OTUB2: variants seen among roughly 807,000 people sequenced by gnomAD.
OTUB2 encodes ubiquitin thioesterase OTUB2.
Under a neutral mutation model 25.1 loss-of-function variants are expected in OTUB2, and 21 were observed. The observed-to-expected ratio is 0.84, with a 90% CI of 0.59 to 1.21. The LOEUF (loss-of-function observed/expected upper bound fraction) is 1.21. OTUB2 is among the 50% of genes most tolerant of loss of function. The pLI is 0.00. For missense variants in OTUB2, 283 were observed against 298.0 expected, an observed-to-expected ratio of 0.95 and a Z score of 0.37; for synonymous variants, 122 against 122.8, an observed-to-expected ratio of 0.99 and a Z score of 0.04.
intron 1 of OTUB2, among the ~76,000 whole-genome samples, chr14:94,036,772 T>C (rs1054761613): frequency 1.3e-5 from 2 of 152,172 alleles, no homozygotes; most frequent in African/African-American, 4.8e-5. Context: ...CCTCCTGCCC[T>C]GTGCTCCCCG....
intron 1 of OTUB2, among the ~76,000 whole-genome samples, chr14:94,037,085 C>T (rs1011561809): frequency 2.0e-5 from 3 of 152,128 alleles, no homozygotes; most frequent in African/African-American, 7.2e-5. Flanking sequence ...CATGAAGGTT[C>T]GTTAAGTTTG....
In OTUB2 at chr14:94,043,965, CTG is replaced by C; in HGVS notation, c.219-4_219-3del. ...CCTGTAAACACTCAGTCTTCCCCCT[CTG>C]TAGGTTCAAAGAACGCGTACTGCAG... On this transcript the variant is annotated splice_region_variant and splice_polypyrimidine_tract_variant and intron_variant, in intron 3 of 5. Transcript: ENST00000203664. 1.2e-6 allele frequency: 2 copies of C among 1,613,770 alleles called. No homozygotes were observed. The highest frequency in any genetic ancestry group is 8.5e-7 in the Non-Finnish European group (1 of 1,179,612).
chr14:94,043,897 G>A, intron 3 of OTUB2, 74 bp from the exon 4 acceptor site: 1 of 1,386,958 alleles, frequency 7.2e-7, no homozygotes. Flanking sequence ...TGGGTTGAGA[G>A]GGGGACGCAC....
Position 94,046,561 on chromosome 14 carries a change from T to TA in OTUB2, c.*639_*640insA. On this transcript the variant is annotated 3_prime_UTR_variant, in exon 6 of 6. Transcript: ENST00000203664. ...GGGGCCTTTAGCCTTTAGTAGGAGC[T>TA]CAAATTGTTGGGGCCCCTCTACCTC... 1 of 152,986 alleles carries TA rather than the reference T, an allele frequency of 6.5e-6. No individual in the cohort carries two copies. Among genetic ancestry groups the TA allele is most frequent in the Admixed American group, 6.5e-5 (1 of 15,368 alleles). 9.5% of individuals were successfully genotyped at this position (152,986 alleles called of 1,614,324 possible). A position where few individuals can be genotyped will look rare whatever the true frequency, so the allele number is the denominator to read the frequency against.
intron 1 of OTUB2, among the ~76,000 whole-genome samples, chr14:94,034,154 C>T (rs1283140444): frequency 3.3e-5 from 5 of 152,208 alleles, no homozygotes; most frequent in East Asian, 1.9e-4. Context: ...GGAAGTGGAA[C>T]GGCAAATCAC....
intron 1 of OTUB2, among the ~76,000 whole-genome samples, chr14:94,034,194 A>G (rs958833127): frequency 1.2e-4 from 18 of 152,284 alleles, no homozygotes; most frequent in Middle Eastern, 3.4e-3. Flanking sequence ...GATGTATTTT[A>G]CCACCGTGTC....
rs150415060 is a variant in OTUB2 at position 94,048,079 on chromosome 14, T to G, written c.*2157T>G. ...TTCCCCCACGTTCTCTCTCAGATCT[T>G]TGTCTCGAAGGGAAAACATAGTGGA... On this transcript the variant is annotated 3_prime_UTR_variant, in exon 6 of 6. Coordinates refer to ENST00000203664, the MANE Select transcript of OTUB2 (RefSeq NM_023112.4). 6.6e-6 allele frequency: 1 copy of G among 152,198 alleles called. No individual in the cohort carries two copies. Among genetic ancestry groups the G allele is most frequent in the Non-Finnish European group, 1.5e-5 (1 of 68,042 alleles). 9.4% of individuals were successfully genotyped at this position (152,198 alleles called of 1,614,324 possible).
At chr14:94,027,674 G>A (rs1463126283) in intron 1 of OTUB2, among the ~76,000 whole-genome samples, 4 of 152,204 alleles carry the variant, frequency 2.6e-5, no homozygotes, top group Admixed American at 1.3e-4. Flanking sequence ...CAGGAAAATG[G>A]GTCACCACGG....
At chr14:94,036,467 G>A (rs1885055883) in intron 1 of OTUB2, among the ~76,000 whole-genome samples, 1 of 152,164 alleles carries the variant, frequency 6.6e-6, no homozygotes, top group African/African-American at 2.4e-5. Flanking sequence ...CAATCAAAGC[G>A]GCTCTGGGTG....
At chr14:94,037,608 T>C (rs1218986211) in intron 2 of OTUB2, 133 bp downstream of exon 2, 1 of 519,078 alleles carries the variant, frequency 1.9e-6, no homozygotes, top group East Asian at 3.4e-5. Flanking sequence ...CTAGGATATT[T>C]TGATGTTGGA....
In OTUB2 at chr14:94,026,486, C is replaced by A; in HGVS notation, c.-52C>A. On this transcript the variant is annotated 5_prime_UTR_variant, in exon 1 of 6. Coordinates refer to ENST00000203664, the MANE Select transcript of OTUB2 (RefSeq NM_023112.4). ...GCCCGCGCCTCCCGCGGCATTCCCG[C>A]ACCGGATCGCTCCTCGCTGGGGCGG... 1.5e-6 allele frequency: 2 copies of A among 1,327,412 alleles called. No individual in the cohort carries two copies. Among genetic ancestry groups the A allele is most frequent in the Non-Finnish European group, 1.9e-6 (2 of 1,033,044 alleles). 82.2% of individuals were successfully genotyped at this position (1,327,412 alleles called of 1,614,324 possible). A position where few individuals can be genotyped will look rare whatever the true frequency, so the allele number is the denominator to read the frequency against.
chr14:94,043,929 C>T (rs79811936), intron 3 of OTUB2, 42 bp from the exon 4 acceptor site: 50,172 of 1,553,564 alleles, frequency 0.032, 984 homozygotes, highest in Non-Finnish European at 0.039. Flanking sequence ...ACAGCACTCT[C>T]GCTGTGTTTC....
At position 94,043,470 on chromosome 14, in the gene OTUB2, G is replaced by A. The variant is rs557351843; in HGVS notation, c.219-501G>A. 6.6e-5 allele frequency among the ~76,000 whole-genome samples: 10 copies of A among 152,370 alleles called. No homozygotes were observed. The East Asian group carries it at 1.5e-3, about 24-fold the overall frequency. On this transcript the variant is annotated intron_variant, in intron 3 of 5. Transcript: ENST00000203664. The stretch of plus-strand genomic sequence containing the variant: ...AGGACAGGTCCCAGAAAGGGGCTGC[G>A]CCATGAGGGGGCCTGCAGTAGGTGC...
intron 1 of OTUB2, among the ~76,000 whole-genome samples, chr14:94,036,077 T>C (rs747115002): frequency 3.3e-5 from 5 of 152,292 alleles, no homozygotes; most frequent in Middle Eastern, 3.4e-3. Flanking sequence ...TGGAAAAAGC[T>C]AATCATCAAA....
chr14:94,030,108 T>C (rs1884932368), intron 1 of OTUB2, among the ~76,000 whole-genome samples: 1 of 151,982 alleles, frequency 6.6e-6, no homozygotes, highest in Non-Finnish European at 1.5e-5. Context: ...CTGGAGGGCA[T>C]GGGGGAAGGG....
In OTUB2 at chr14:94,026,524, C is replaced by T. The variant is rs1201268724; in HGVS notation, c.-14C>T. Reference sequence around the variant, plus strand: ...CTCGCTGGGGCGGGACCTGGCCTGGCGGCTCTGGTCACTATGGTCAGTGAT... The same window carrying T: ...CTCGCTGGGGCGGGACCTGGCCTGGTGGCTCTGGTCACTATGGTCAGTGAT... On this transcript the variant is annotated 5_prime_UTR_variant, in exon 1 of 6. Transcript: ENST00000203664. The T allele has an allele frequency of 2.9e-6, 3 of 1,025,982 alleles. No individual in the cohort carries two copies. The highest frequency in any genetic ancestry group is 3.7e-6 in the Non-Finnish European group (3 of 807,992). The allele number at this position is 1,025,982 out of a possible 1,614,324, so 63.6% of individuals were successfully genotyped here. A position where few individuals can be genotyped will look rare whatever the true frequency, so the allele number is the denominator to read the frequency against.
intron 1 of OTUB2, among the ~76,000 whole-genome samples, chr14:94,033,509 T>C (rs940246708): frequency 3.3e-5 from 5 of 152,272 alleles, no homozygotes; most frequent in Non-Finnish European, 7.3e-5. Flanking sequence ...GTGTCCTCCT[T>C]CTGCCATTTT....
intron 1 of OTUB2, among the ~76,000 whole-genome samples, chr14:94,035,128 G>A (rs1885026379): frequency 6.6e-6 from 1 of 152,112 alleles, no homozygotes; most frequent in African/African-American, 2.4e-5. Context: ...AAGGAGCCTG[G>A]GGCTGGATTA....
At chr14:94,035,397 C>G (rs1885035731) in intron 1 of OTUB2, among the ~76,000 whole-genome samples, 1 of 145,382 alleles carries the variant, frequency 6.9e-6, no homozygotes, top group Non-Finnish European at 1.5e-5. Context: ...TTAAGAAATT[C>G]TCTACCTCAG....
Sources: gnomAD v4.1 joint callset for allele counts (sites outside exome capture counted in the v4.1 genomes callset) on GRCh38, gnomAD v4.1.1 for gene constraint, MANE v1.5 for transcripts, NCBI Gene and HGNC (gene_info 2026-07-23, HGNC 2026-07-21) for gene names.